Variants in PRKAR1B observed in about 807,000 individuals in gnomAD.
PRKAR1B encodes protein kinase cAMP-dependent type I regulatory subunit beta.
Under a neutral mutation model 46.5 loss-of-function variants are expected in PRKAR1B, and 22 were observed. The observed-to-expected ratio is 0.47, with a 90% CI of 0.34 to 0.68. The LOEUF (loss-of-function observed/expected upper bound fraction) is 0.68. Among genes scored for constraint, PRKAR1B ranks in the 30% least tolerant of loss-of-function variants. The pLI is 0.01. For missense variants in PRKAR1B, 445 were observed against 535.6 expected (o/e 0.83, Z 1.67); for synonymous variants, 259 against 217.7 (o/e 1.19, Z -1.67).
At chr7:574,574 G>C (rs1779713143) in intron 9 of PRKAR1B, among the ~76,000 whole-genome samples, 1 of 151,972 alleles carries the variant, frequency 6.6e-6, no homozygotes, top group Non-Finnish European at 1.5e-5. Context: ...CCTCCCAGTA[G>C]CCGGGATTAC....
At chr7:675,445 G>C (rs767090035) in intron 4 of PRKAR1B, among the ~76,000 whole-genome samples, 12 of 152,270 alleles carry the variant, frequency 7.9e-5, no homozygotes, top group Admixed American at 1.3e-4. Context: ...TATACATATG[G>C]AGGTCATTTA....
At chr7:601,762 G>C (rs951351143) in intron 6 of PRKAR1B, among the ~76,000 whole-genome samples, 1 of 152,232 alleles carries the variant, frequency 6.6e-6, no homozygotes, top group Non-Finnish European at 1.5e-5. Flanking sequence ...CCCGCAGGGG[G>C]CCCGGCCATC....
intron 6 of PRKAR1B, among the ~76,000 whole-genome samples, chr7:605,975 T>C (rs952058404): frequency 2.6e-5 from 4 of 152,234 alleles, no homozygotes; most frequent in Non-Finnish European, 2.9e-5. Context: ...CTGAGGCCGC[T>C]GCCGGCACCT....
At chr7:652,201 G>A (rs1467360801) in intron 4 of PRKAR1B, among the ~76,000 whole-genome samples, 10 of 138,206 alleles carry the variant, frequency 7.2e-5, no homozygotes, top group Admixed American at 2.1e-4. Context: ...CCCGCACAGC[G>A]CTAGGAACCT....
chr7:576,450 C>T lies in PRKAR1B; in HGVS notation c.891+2806G>A, dbSNP rs185547566. ...CCTGATAACGGCTCCCCCGCAAGGA[C>T]CCCCTTCGTGAATGTCCGTGCAGCC... is the stretch of plus-strand genomic sequence containing the variant. On this transcript the variant is annotated intron_variant, in intron 9 of 10. Coordinates refer to ENST00000537384, the MANE Select transcript of PRKAR1B (RefSeq NM_001164760.2). Among the ~76,000 whole-genome samples, 44 of 152,304 alleles carry T rather than the reference C, an allele frequency of 2.9e-4. No homozygotes were observed. The East Asian group carries it at 6.6e-3, about 23-fold the overall frequency.
chr7:716,524 G>A (rs1780889912), intron 1 of PRKAR1B: 1 of 152,214 alleles, frequency 6.6e-6, no homozygotes, highest in Admixed American at 6.5e-5. Flanking sequence ...CTCCTTGGTA[G>A]CTCTTATTAC....
chr7:550,528 G>T lies in PRKAR1B; in HGVS notation c.1048C>A (p.Leu350Met). ...ACACGCTCGAAGCGGGGCCGGTCCA[G>T]CTTCACACACTTGAGGGGCCCCCGG... is the stretch of plus-strand genomic sequence containing the variant. ...VARGPLKCVK[L>M]DRPRFERVLG... Residue 350 changes from leucine (L) to methionine (M), a missense_variant, in exon 11 of 11, where the codon CTG becomes ATG. This residue lies in a region of PRKAR1B where 127 missense variants were observed against 138.0 expected (regional missense o/e 0.92). Coordinates refer to ENST00000537384, the MANE Select transcript of PRKAR1B (RefSeq NM_001164760.2). 1 of 1,605,454 alleles carries T rather than the reference G, an allele frequency of 6.2e-7. No homozygotes were observed. The highest frequency in any genetic ancestry group is 8.5e-7 in the Non-Finnish European group (1 of 1,176,502).
At chr7:596,052 C>T (rs985495120) in intron 7 of PRKAR1B, 94 bp downstream of exon 7, 27 of 1,473,242 alleles carry the variant, frequency 1.8e-5, no homozygotes, top group South Asian at 6.4e-5. Flanking sequence ...GTCTTTTCTC[C>T]AGGTGCATCC....
chr7:579,298 C>G lies in PRKAR1B; in HGVS notation c.849G>C (p.Val283=). ...AGTCGTCCCCAGGCTCTCCCTGGAC[C>G]ACAATTTTCTCTCCATCTTCAAACT... The part of the protein sequence containing the change: ...PVQFEDGEKI[V]VQGEPGDDFY... Residue 283 remains valine, a synonymous_variant, in exon 9 of 11, where the codon GTG becomes GTC. Coordinates refer to ENST00000537384, the MANE Select transcript of PRKAR1B (RefSeq NM_001164760.2). The G allele has an allele frequency of 6.2e-7, 1 of 1,614,186 alleles. No individual in the cohort carries two copies.
intron 8 of PRKAR1B, among the ~76,000 whole-genome samples, chr7:583,416 ACG>A (rs1780332123): frequency 1.5e-5 from 1 of 65,046 alleles, no homozygotes; most frequent in Admixed American, 1.4e-4. Context: ...GTGCACACCC[ACG>A]CACACACGCA....
intron 4 of PRKAR1B, among the ~76,000 whole-genome samples, chr7:676,362 C>T (rs1331070108): frequency 6.6e-6 from 1 of 152,226 alleles, no homozygotes; most frequent in South Asian, 2.1e-4. Flanking sequence ...CATCTGCTGT[C>T]ACCTCCTGCC....
chr7:564,632 A>T (rs1378841883), intron 9 of PRKAR1B, among the ~76,000 whole-genome samples: 1 of 152,142 alleles, frequency 6.6e-6, no homozygotes, highest in African/African-American at 2.4e-5. Flanking sequence ...GGGCATTCCT[A>T]GGCCTCTTCC....
At chr7:601,641 C>G (rs1174937440) in intron 6 of PRKAR1B, among the ~76,000 whole-genome samples, 1 of 152,234 alleles carries the variant, frequency 6.6e-6, no homozygotes, top group Non-Finnish European at 1.5e-5. Context: ...CCGGGCACTC[C>G]CTGACGCCCA....
intron 4 of PRKAR1B, among the ~76,000 whole-genome samples, chr7:617,630 G>GATC (rs1782901208): frequency 6.6e-6 from 1 of 152,212 alleles, no homozygotes; most frequent in African/African-American, 2.4e-5. Flanking sequence ...ACTGGGTGAT[G>GATC]GGTCCTTGTC....
rs554990904 is a variant in PRKAR1B, at chr7:605,249, G to A, written c.549+944C>T. On this transcript the variant is annotated intron_variant, in intron 6 of 10. Coordinates refer to ENST00000537384, the MANE Select transcript of PRKAR1B (RefSeq NM_001164760.2). ...CACTGAGGTCCTTCCCGCTGACTCC[G>A]CAGGGGCTCGGGCCTGATTCAAAGG... Among the ~76,000 whole-genome samples the A allele has an allele frequency of 9.2e-5, 14 of 152,362 alleles. 1 individual carries two copies. The highest frequency in any genetic ancestry group is 6.2e-4 in the South Asian group (3 of 4,830).
chr7:559,510 G>A lies in PRKAR1B; in HGVS notation c.892-8040C>T, dbSNP rs185534819. ...TGGTGCAGGAAGGGCTCCCCGATACGAGGGGACCCCGATCTGGGGCCGACG... is the reference window on the plus strand; with the variant it reads ...TGGTGCAGGAAGGGCTCCCCGATACAAGGGGACCCCGATCTGGGGCCGACG... On this transcript the variant is annotated intron_variant, in intron 9 of 10. Coordinates refer to ENST00000537384, the MANE Select transcript of PRKAR1B (RefSeq NM_001164760.2). Among the ~76,000 whole-genome samples the A allele has an allele frequency of 1.9e-3, 290 of 152,318 alleles. 3 individuals carry two copies. The Middle Eastern group carries it at 0.041, about 21-fold the overall frequency.
intron 4 of PRKAR1B, among the ~76,000 whole-genome samples, chr7:656,085 T>G (rs1007637137): frequency 5.3e-5 from 8 of 152,226 alleles, no homozygotes; most frequent in African/African-American, 1.4e-4. Flanking sequence ...TCTACATCTG[T>G]GAGCACGATT....
In PRKAR1B at chr7:699,017, C is replaced by A. The variant is rs548269319; in HGVS notation, c.177+12312G>T. On this transcript the variant is annotated intron_variant, in intron 2 of 10. Transcript: ENST00000537384. Reference sequence around the variant, plus strand: ...GCCTTGCAGGGCAAAGGCGGAGAAGCCTGAGTTCCTAGGACGGAGGATGAG... The same window carrying A: ...GCCTTGCAGGGCAAAGGCGGAGAAGACTGAGTTCCTAGGACGGAGGATGAG... 1.4e-4 allele frequency among the ~76,000 whole-genome samples: 22 copies of A among 152,344 alleles called. No individual in the cohort carries two copies. The South Asian group carries it at 4.6e-3, about 32-fold the overall frequency.
At chr7:576,076 T>C (rs1176173975) in intron 9 of PRKAR1B, among the ~76,000 whole-genome samples, 3 of 149,176 alleles carry the variant, frequency 2.0e-5, no homozygotes, top group Admixed American at 6.6e-5. Flanking sequence ...CATCCTCTCC[T>C]CTGCACACAG....
Sources: gnomAD v4.1 joint callset for allele counts (sites outside exome capture counted in the v4.1 genomes callset) on GRCh38, gnomAD v4.1.1 for gene constraint, gnomAD v4.1.1 regional missense constraint, MANE v1.5 for transcripts, NCBI Gene and HGNC (gene_info 2026-07-23, HGNC 2026-07-21) for gene names.